SNTG1: variants seen among roughly 807,000 people sequenced by gnomAD.
SNTG1 encodes the protein syntrophin gamma 1.
A neutral mutation model predicts 74.7 loss-of-function variants in SNTG1; 39 were observed. The ratio of observed to expected loss-of-function variants is 0.52; its 90% CI spans 0.40 to 0.68. The LOEUF (loss-of-function observed/expected upper bound fraction) is 0.68, where lower values mean the gene tolerates loss of function less well. Ranked by LOEUF, SNTG1 falls within the 30% of genes least tolerant of loss-of-function variation. The pLI is 0.00. For missense variants in SNTG1, 685 were observed against 609.5 expected, an observed-to-expected ratio of 1.12 and a Z score of -1.30; for synonymous variants, 254 against 217.1, an observed-to-expected ratio of 1.17 and a Z score of -1.49.
In SNTG1 at chr8:50,645,343, A is replaced by AT. The variant is rs200145774; in HGVS notation, c.850-11558dup. On this transcript the variant is annotated intron_variant, in intron 13 of 18. Transcript: ENST00000642720. ...TAGGTATCCATTTTATTATTTTGTA[A>AT]TTTTTTTTATATAATTTCCTAACTA... is the stretch of plus-strand genomic sequence containing the variant. Among the ~76,000 whole-genome samples the AT allele has an allele frequency of 3.2e-3, 459 of 142,248 alleles. 3 individuals carry two copies. Among genetic ancestry groups the AT allele is most frequent in the African/African-American group, 0.012 (437 of 36,896 alleles). The allele number at this position is 142,248 out of a possible 152,430, so 93.3% of individuals were successfully genotyped here.
chr8:50,488,569 C>T (rs891289798), intron 8 of SNTG1, among the ~76,000 whole-genome samples: 11 of 152,132 alleles, frequency 7.2e-5, no homozygotes, highest in Admixed American at 1.3e-4. Flanking sequence ...CACCTCTCAA[C>T]GTCTCCCTTT....
At chr8:50,005,581 G>A (rs1226767793) in intron 1 of SNTG1, among the ~76,000 whole-genome samples, 5 of 151,802 alleles carry the variant, frequency 3.3e-5, no homozygotes, top group Non-Finnish European at 7.4e-5. Context: ...ATGCAATAAG[G>A]GTTACTATAT....
chr8:50,724,616 CATTTTTGGTAGATT>C (rs774604387), intron 17 of SNTG1, among the ~76,000 whole-genome samples: 27 of 152,048 alleles, frequency 1.8e-4, no homozygotes, highest in Non-Finnish European at 3.7e-4. Context: ...GTAGACTAAT[CATTTTTGGTAGATT>C]ATTTTTGGTA....
At chr8:50,090,542 C>G (rs1233528098) in intron 1 of SNTG1, among the ~76,000 whole-genome samples, 3 of 152,138 alleles carry the variant, frequency 2.0e-5, no homozygotes, top group African/African-American at 7.2e-5. Flanking sequence ...TCTGGAATCA[C>G]CAGCTCAGGT....
At chr8:50,777,691 T>G (rs886990106) in intron 18 of SNTG1, among the ~76,000 whole-genome samples, 1 of 151,752 alleles carries the variant, frequency 6.6e-6, no homozygotes, top group Non-Finnish European at 1.5e-5. Flanking sequence ...CTCTCTTTTT[T>G]TTAATTTTTT....
intron 2 of SNTG1, among the ~76,000 whole-genome samples, chr8:50,278,928 C>T (rs915416126): frequency 6.6e-5 from 10 of 152,002 alleles, no homozygotes; most frequent in African/African-American, 1.7e-4. Context: ...ATAACATTAT[C>T]GAAGTCCTTT....
intron 2 of SNTG1, among the ~76,000 whole-genome samples, chr8:50,327,363 C>T (rs905140764): frequency 4.6e-5 from 7 of 152,162 alleles, no homozygotes; most frequent in African/African-American, 1.7e-4. Context: ...CACATACACA[C>T]TAAAGACTAT....
rs1805615622 is a variant in SNTG1 at position 49,911,903 on chromosome 8, A to G, written c.-431A>G. On this transcript the variant is annotated 5_prime_UTR_variant, in exon 1 of 19. Coordinates refer to ENST00000642720, the MANE Select transcript of SNTG1 (RefSeq NM_018967.5). ...ATGGATGAAAAGTACCCCTCCCTCT[A>G]CACCTGCTGTACCTAAGGACAGGAC... 6.6e-6 allele frequency: 1 copy of G among 152,144 alleles called. No homozygotes were observed. Among genetic ancestry groups the G allele is most frequent in the African/African-American group, 2.4e-5 (1 of 41,394 alleles). 9.4% of individuals were successfully genotyped at this position (152,144 alleles called of 1,614,324 possible).
chr8:50,332,509 G>A (rs774267376), intron 2 of SNTG1, among the ~76,000 whole-genome samples: 1 of 151,942 alleles, frequency 6.6e-6, no homozygotes, highest in Non-Finnish European at 1.5e-5. Context: ...TGTGAATCAA[G>A]TTTGTTTGGG....
intron 1 of SNTG1, among the ~76,000 whole-genome samples, chr8:50,060,558 T>A (rs1429064774): frequency 2.6e-5 from 4 of 152,066 alleles, no homozygotes; most frequent in African/African-American, 4.8e-5. Context: ...TTCCCTTTTT[T>A]TTTCTTATCC....
chr8:50,612,824 T>C (rs2094860093), intron 13 of SNTG1, among the ~76,000 whole-genome samples: 4 of 152,140 alleles, frequency 2.6e-5, no homozygotes, highest in Admixed American at 2.6e-4. Context: ...CTGGACTCTA[T>C]AGGTGTAGCA....
intron 1 of SNTG1, among the ~76,000 whole-genome samples, chr8:50,104,294 G>A (rs531006897): frequency 6.6e-6 from 1 of 152,138 alleles, no homozygotes; most frequent in African/African-American, 2.4e-5. Context: ...TCTTGGGAGG[G>A]TGTATGTGTC....
At chr8:50,616,316 G>A (rs1008960007) in intron 13 of SNTG1, among the ~76,000 whole-genome samples, 1 of 152,182 alleles carries the variant, frequency 6.6e-6, no homozygotes, top group South Asian at 2.1e-4. Context: ...AGAAAGAGAA[G>A]TCGGTACTTA....
At chr8:50,097,659 A>C (rs896432993) in intron 1 of SNTG1, among the ~76,000 whole-genome samples, 8 of 152,146 alleles carry the variant, frequency 5.3e-5, no homozygotes, top group African/African-American at 1.4e-4. Context: ...CTCAAAAAAA[A>C]AAACAAAAAA....
At chr8:50,526,056 G>A (rs1171782808) in intron 9 of SNTG1, among the ~76,000 whole-genome samples, 2 of 152,222 alleles carry the variant, frequency 1.3e-5, no homozygotes, top group East Asian at 3.9e-4. Flanking sequence ...CTCTGGGCAT[G>A]TAATATCCCA....
intron 16 of SNTG1, among the ~76,000 whole-genome samples, chr8:50,705,055 T>C (rs7016914): frequency 6.6e-6 from 1 of 152,060 alleles, no homozygotes; most frequent in African/African-American, 2.4e-5. Context: ...ATTTAATGAA[T>C]TGTTGACAAG....
intron 2 of SNTG1, among the ~76,000 whole-genome samples, chr8:50,247,117 G>A (rs1317688031): frequency 6.6e-6 from 1 of 152,126 alleles, no homozygotes; most frequent in African/African-American, 2.4e-5. Flanking sequence ...TCTGATCTTA[G>A]TCATTGGTCC....
rs377469344 is a variant in SNTG1 at position 49,944,801 on chromosome 8, A to T, written c.-103+32570A>T. ...ATTCATCACCTGCAAGAAAAAAAAA[A>T]AAAAAAGATGGAGTTTCCCTCTGTT... On this transcript the variant is annotated intron_variant, in intron 1 of 18. Transcript: ENST00000642720. Among the ~76,000 whole-genome samples, 110 of 151,914 alleles carry T rather than the reference A, an allele frequency of 7.2e-4. No homozygotes were observed. In the East Asian group the frequency reaches 0.02, roughly 28 times the overall value.
At chr8:50,510,797 C>T (rs180748789) in intron 9 of SNTG1, among the ~76,000 whole-genome samples, 3,591 of 151,110 alleles carry the variant, frequency 0.024, 135 homozygotes, top group African/African-American at 0.079. Flanking sequence ...CTATTTGATT[C>T]TTCTCTCTTT....
Sources: allele counts gnomAD v4.1 joint callset (sites outside exome capture counted in the v4.1 genomes callset), GRCh38; gene constraint gnomAD v4.1.1; transcripts MANE v1.5; gene names NCBI Gene and HGNC (gene_info 2026-07-23, HGNC 2026-07-21).